The following SEMA6D variants were observed in gnomAD, a reference collection of about 807,000 sequenced individuals.
SEMA6D encodes the protein semaphorin-6D.
A neutral mutation model predicts 106.6 loss-of-function variants in SEMA6D; 35 were observed. The ratio of observed to expected loss-of-function variants is 0.33; its 90% CI spans 0.25 to 0.44. The LOEUF is 0.44. Ranked by LOEUF, SEMA6D falls within the 20% of genes least tolerant of loss-of-function variation. The probability of loss-of-function intolerance (pLI) is 1.00; values close to 1 mark genes in which losing one functional copy is unlikely to be tolerated. For missense variants in SEMA6D, 1,185 were observed against 1,345.9 expected, an observed-to-expected ratio of 0.88 and a Z score of 1.87; for synonymous variants, 499 against 487.7, an observed-to-expected ratio of 1.02 and a Z score of -0.31.
At chr15:47,285,944 T>G (rs542375651) in intron 1 of SEMA6D, among the ~76,000 whole-genome samples, 1 of 152,222 alleles carries the variant, frequency 6.6e-6, no homozygotes, top group Non-Finnish European at 1.5e-5. Context: ...AGATTTTTTT[T>G]AAAAGCAAAG....
chr15:47,716,151 C>T (rs866925305), upstream of SEMA6D, among the ~76,000 whole-genome samples: 5 of 152,282 alleles, frequency 3.3e-5, 1 homozygote, highest in Admixed American at 2.0e-4. Flanking sequence ...CTGTTCTTTC[C>T]GCCCCCTACT....
At chr15:47,218,161 T>C (rs372728113) in intron 1 of SEMA6D, among the ~76,000 whole-genome samples, 19 of 152,328 alleles carry the variant, frequency 1.2e-4, no homozygotes, top group East Asian at 7.7e-4. Context: ...ATGAAGGAAA[T>C]GCCTGTTTCA....
At chr15:47,722,553 A>G (rs2079486120) in intron 1 of SEMA6D, among the ~76,000 whole-genome samples, 1 of 152,186 alleles carries the variant, frequency 6.6e-6, no homozygotes, top group Non-Finnish European at 1.5e-5. Context: ...TTAGCTGGCT[A>G]CATCTGTAGG....
At chr15:47,345,720 TAAAG>T (rs1302026127) in intron 1 of SEMA6D, among the ~76,000 whole-genome samples, 8 of 152,138 alleles carry the variant, frequency 5.3e-5, no homozygotes, top group South Asian at 2.1e-4. Context: ...AAAGCTGAGT[TAAAG>T]AAGCCACAGC....
At chr15:47,495,424 A>T (rs1328783279) in intron 3 of SEMA6D, among the ~76,000 whole-genome samples, 3 of 152,068 alleles carry the variant, frequency 2.0e-5, no homozygotes, top group African/African-American at 7.2e-5. Context: ...GTTGTGGAGT[A>T]GCAGGGGTTA....
At chr15:47,577,953 C>T (rs919203977) in intron 3 of SEMA6D, among the ~76,000 whole-genome samples, 2 of 152,208 alleles carry the variant, frequency 1.3e-5, no homozygotes, top group Non-Finnish European at 2.9e-5. Context: ...ATAGTATTCT[C>T]ATGTTTATTA....
chr15:47,696,661 G>A (rs531265656), intron 4 of SEMA6D, among the ~76,000 whole-genome samples: 7 of 152,274 alleles, frequency 4.6e-5, no homozygotes, highest in East Asian at 1.9e-4. Context: ...GGACAGGGGC[G>A]TGGGGATTGT....
chr15:47,633,892 G>T (rs2077334601), intron 4 of SEMA6D, among the ~76,000 whole-genome samples: 1 of 152,054 alleles, frequency 6.6e-6, no homozygotes, highest in Non-Finnish European at 1.5e-5. Context: ...TCTGTCCTCT[G>T]TCATCTCCAC....
rs559279212 is a variant in SEMA6D, at chr15:47,440,475, C to T, written c.-159+28003C>T. Among the ~76,000 whole-genome samples, 225 of 152,006 alleles carry T rather than the reference C, an allele frequency of 1.5e-3. 1 individual carries two copies. Among genetic ancestry groups the T allele is most frequent in the African/African-American group, 5.0e-3 (206 of 41,496 alleles). On this transcript the variant is annotated intron_variant, in intron 2 of 19. Transcript: ENST00000558014. ...TTGCCTTAGTAGAGTCAGATGCAAG[C>T]GTGTTTTTAGTGGTGGTTGTTAGCT...
At chr15:47,207,993 G>GCGCGCGCACACA (rs1424944556) in intron 1 of SEMA6D, among the ~76,000 whole-genome samples, 16 of 89,398 alleles carry the variant, frequency 1.8e-4, no homozygotes, top group East Asian at 1.7e-3. Flanking sequence ...TGGCGCGCGC[G>GCGCGCGCACACA]CACACACACA....
At chr15:47,400,150 A>G (rs931861835) in intron 1 of SEMA6D, among the ~76,000 whole-genome samples, 4 of 152,208 alleles carry the variant, frequency 2.6e-5, no homozygotes, top group Non-Finnish European at 5.9e-5. Flanking sequence ...TAAAAGAACC[A>G]AAATCAGAGC....
At chr15:47,636,084 G>A (rs1230894421) in intron 4 of SEMA6D, among the ~76,000 whole-genome samples, 1 of 151,886 alleles carries the variant, frequency 6.6e-6, no homozygotes, top group Non-Finnish European at 1.5e-5. Flanking sequence ...TCTCAAAATT[G>A]ACAGAGATGG....
chr15:47,714,231 A>G (rs1462687476), upstream of SEMA6D, among the ~76,000 whole-genome samples: 1 of 152,124 alleles, frequency 6.6e-6, no homozygotes, highest in Non-Finnish European at 1.5e-5. Flanking sequence ...ATTAACTACT[A>G]TTACAACTAA....
chr15:47,322,666 T>G (rs1039997781), intron 1 of SEMA6D, among the ~76,000 whole-genome samples: 1 of 152,190 alleles, frequency 6.6e-6, no homozygotes, highest in Non-Finnish European at 1.5e-5. Flanking sequence ...GGGCCTATTT[T>G]TCTATTTCTC....
chr15:47,342,050 G>GT (rs2037840262), intron 1 of SEMA6D, among the ~76,000 whole-genome samples: 1 of 145,070 alleles, frequency 6.9e-6, no homozygotes, highest in Non-Finnish European at 1.5e-5. Flanking sequence ...TTGTTTGTTT[G>GT]TTTTCAATAA....
chr15:47,768,389 C>T (rs571508191), intron 17 of SEMA6D, among the ~76,000 whole-genome samples, 192 bp from the exon 18 acceptor site: 1 of 152,194 alleles, frequency 6.6e-6, no homozygotes, highest in South Asian at 2.1e-4. Flanking sequence ...TATGTCTTTA[C>T]TGTTAATTTT....
intron 3 of SEMA6D, among the ~76,000 whole-genome samples, chr15:47,592,581 G>A (rs1447071402): frequency 6.6e-6 from 1 of 152,092 alleles, no homozygotes; most frequent in Non-Finnish European, 1.5e-5. Flanking sequence ...TTAACTGTAT[G>A]GTAATTGCAA....
At chr15:47,393,698 C>T (rs563196234) in intron 1 of SEMA6D, among the ~76,000 whole-genome samples, 363 of 151,376 alleles carry the variant, frequency 2.4e-3, no homozygotes, top group African/African-American at 7.4e-3. Flanking sequence ...GGAAACCCAG[C>T]GTGAAATTTA....
At chr15:47,530,745 C>T (rs1322519625) in intron 3 of SEMA6D, among the ~76,000 whole-genome samples, 2 of 151,346 alleles carry the variant, frequency 1.3e-5, no homozygotes, top group East Asian at 3.9e-4. Context: ...AGTGTGGGTC[C>T]GAAGCCATGA....
Sources: allele counts gnomAD v4.1 joint callset (sites outside exome capture counted in the v4.1 genomes callset), GRCh38; gene constraint gnomAD v4.1.1; transcripts MANE v1.5; gene names NCBI Gene and HGNC (gene_info 2026-07-23, HGNC 2026-07-21).